Variants in EPB41L3 observed in about 807,000 individuals in gnomAD.
The protein encoded by EPB41L3 is band 4.1-like protein 3.
In EPB41L3, 57 loss-of-function variants were observed where a neutral mutation model predicts 127.1. The observed-to-expected ratio is 0.45, with a 90% CI of 0.36 to 0.56. The LOEUF (loss-of-function observed/expected upper bound fraction) is 0.56. EPB41L3 is among the 20% of genes least tolerant of loss of function. The pLI, the probability that EPB41L3 is intolerant of heterozygous loss-of-function variation, is 0.00. For synonymous variants in EPB41L3, 572 were observed against 549.5 expected, an observed-to-expected ratio of 1.04 and a Z score of -0.57; for missense variants, 1,273 against 1,372.2, an observed-to-expected ratio of 0.93 and a Z score of 1.14.
intron 1 of EPB41L3, among the ~76,000 whole-genome samples, chr18:5,520,957 A>C (rs989786934): frequency 6.6e-6 from 1 of 152,242 alleles, no homozygotes; most frequent in African/African-American, 2.4e-5. Flanking sequence ...AAACGCAGAA[A>C]GAGATGTGCT....
intron 3 of EPB41L3, among the ~76,000 whole-genome samples, chr18:5,452,449 C>A (rs2082410239): frequency 6.6e-6 from 1 of 151,392 alleles, no homozygotes; most frequent in South Asian, 2.1e-4. Flanking sequence ...CAGCTCACTG[C>A]AGCCTTGACC....
chr18:5,493,149 A>G (rs1203157764), intron 1 of EPB41L3, among the ~76,000 whole-genome samples: 1 of 151,792 alleles, frequency 6.6e-6, no homozygotes, highest in East Asian at 1.9e-4. Context: ...TAACTAAATG[A>G]CTGCTAAATT....
chr18:5,492,713 T>A (rs558407114), intron 1 of EPB41L3, among the ~76,000 whole-genome samples: 1 of 152,342 alleles, frequency 6.6e-6, no homozygotes, highest in East Asian at 1.9e-4. Flanking sequence ...CCTTTCCTTA[T>A]ACTAAATTTA....
rs544173579 is a variant in EPB41L3, at chr18:5,555,165, C to T, written c.-306+57175G>A. Among the ~76,000 whole-genome samples the T allele has an allele frequency of 3.9e-5, 6 of 152,342 alleles. No homozygotes were observed. The South Asian group carries it at 1.2e-3, about 32-fold the overall frequency. Reference sequence around the variant, plus strand: ...TCTTCAGTGATCCATAGTGCCCTTTCAAACATCGCCAGGTCATTCCTTCAT... The same window carrying T: ...TCTTCAGTGATCCATAGTGCCCTTTTAAACATCGCCAGGTCATTCCTTCAT... On this transcript the variant is annotated intron_variant, in intron 3 of 21. Coordinates refer to the EPB41L3 transcript ENST00000545076.
In EPB41L3 at chr18:5,408,566, C is replaced by T. The variant is rs183491313; in HGVS notation, c.2122-830G>A. On this transcript the variant is annotated intron_variant, in intron 14 of 22. Transcript: ENST00000341928. ...CTGGGATTACAGGAGTGAGCCACCA[C>T]GCCCAGCCAATTTTCTTGAATGTAT... Among the ~76,000 whole-genome samples the T allele has an allele frequency of 7.3e-3, 1,108 of 151,950 alleles. 17 individuals carry two copies. The highest frequency in any genetic ancestry group is 0.024 in the African/African-American group (1,006 of 41,436).
chr18:5,394,830 A>G (rs763816285), intron 21 of EPB41L3, 37 bp from the exon 22 acceptor site: 2 of 1,596,488 alleles, frequency 1.3e-6, no homozygotes, highest in African/African-American at 2.7e-5. Flanking sequence ...AGAAACAAAA[A>G]GGAGGTGGAA....
At chr18:5,419,943 T>A in intron 11 of EPB41L3, 66 bp from the exon 12 acceptor site, 1 of 1,612,452 alleles carries the variant, frequency 6.2e-7, no homozygotes, top group Non-Finnish European at 8.5e-7. Context: ...TAAAAGCAAA[T>A]ACAATTAAAG....
At chr18:5,469,646 C>T (rs2085723728) in intron 3 of EPB41L3, among the ~76,000 whole-genome samples, 1 of 152,188 alleles carries the variant, frequency 6.6e-6, no homozygotes, top group Admixed American at 6.5e-5. Flanking sequence ...GCATAGGCGC[C>T]ACCCGCCCTA....
intron 3 of EPB41L3, among the ~76,000 whole-genome samples, chr18:5,450,389 G>C: frequency 6.6e-6 from 1 of 151,546 alleles, no homozygotes; most frequent in Non-Finnish European, 1.5e-5. Flanking sequence ...TGTAACAAAT[G>C]TGCCACACTA....
At chr18:5,471,478 G>A (rs1341610878) in intron 3 of EPB41L3, among the ~76,000 whole-genome samples, 5 of 152,178 alleles carry the variant, frequency 3.3e-5, no homozygotes, top group Non-Finnish European at 7.3e-5. Context: ...GAAGTATCAC[G>A]TGAAATCTTA....
At chr18:5,585,930 T>C (rs549933253) in intron 3 of EPB41L3, among the ~76,000 whole-genome samples, 3 of 152,324 alleles carry the variant, frequency 2.0e-5, no homozygotes, top group South Asian at 4.1e-4. Flanking sequence ...GCAGCTCTTG[T>C]TAAATGACCT....
intron 16 of EPB41L3, 81 bp downstream of exon 16, chr18:5,406,696 T>C: frequency 1.6e-6 from 2 of 1,277,122 alleles, no homozygotes; most frequent in Non-Finnish European, 2.2e-6. Context: ...CCCAGAAGAC[T>C]GTCAAATGCA....
intron 2 of EPB41L3, among the ~76,000 whole-genome samples, chr18:5,482,223 T>G (rs1215531079): frequency 6.6e-6 from 1 of 152,112 alleles, no homozygotes; most frequent in Non-Finnish European, 1.5e-5. Flanking sequence ...TTTGATAAAC[T>G]GAAGAACTCA....
At chr18:5,551,805 C>T (rs1719963) in intron 3 of EPB41L3, among the ~76,000 whole-genome samples, 35,221 of 151,968 alleles carry the variant, frequency 0.23, 5,543 homozygotes, top group African/African-American at 0.45. Context: ...CTCTCTGTTT[C>T]GTGTACATTT....
rs1007349134 is a variant in EPB41L3, at chr18:5,474,307, G to C, written c.381+3934C>G. Among the ~76,000 whole-genome samples the C allele has an allele frequency of 5.3e-5, 8 of 152,266 alleles. 1 individual carries two copies. Among genetic ancestry groups the C allele is most frequent in the Admixed American group, 4.6e-4 (7 of 15,302 alleles). ...TAAGCCAACTGCTAGAAGGAAGTTA[G>C]AGAAAGCACGATCTGAAAAGGCTAG... On this transcript the variant is annotated intron_variant, in intron 3 of 22. Transcript: ENST00000341928.
At chr18:5,449,659 G>T (rs1315683606) in intron 3 of EPB41L3, among the ~76,000 whole-genome samples, 1 of 152,138 alleles carries the variant, frequency 6.6e-6, no homozygotes, top group African/African-American at 2.4e-5. Flanking sequence ...AAGAAAAAAT[G>T]AGCTATCAAG....
At chr18:5,433,861 C>T (rs1290189987) in intron 7 of EPB41L3, 42 bp downstream of exon 7, 2 of 1,600,034 alleles carry the variant, frequency 1.2e-6, no homozygotes, top group Non-Finnish European at 1.7e-6. Context: ...GGACACTCTC[C>T]CATCAAGGCA....
intron 3 of EPB41L3, among the ~76,000 whole-genome samples, chr18:5,446,380 C>T (rs552830927): frequency 3.3e-5 from 5 of 152,094 alleles, no homozygotes; most frequent in South Asian, 2.1e-4. Flanking sequence ...TTTATTGTGA[C>T]GTATCATTTT....
In EPB41L3 at chr18:5,419,707, A is replaced by G; in HGVS notation, c.1506+4T>C. Reference sequence around the variant, plus strand: ...AGCTCTTGCAGGCAGTCTGGGAGCTATACCTTTCCCTCGTGCCGGATGGCC... The same window carrying G: ...AGCTCTTGCAGGCAGTCTGGGAGCTGTACCTTTCCCTCGTGCCGGATGGCC... On this transcript the variant is annotated splice_donor_region_variant and intron_variant, in intron 12 of 22. Coordinates refer to ENST00000341928, the MANE Select transcript of EPB41L3 (RefSeq NM_012307.5). 6.2e-7 allele frequency: 1 copy of G among 1,613,828 alleles called. No homozygotes were observed. The highest frequency in any genetic ancestry group is 8.5e-7 in the Non-Finnish European group (1 of 1,179,962).
Sources: allele counts gnomAD v4.1 joint callset (sites outside exome capture counted in the v4.1 genomes callset), GRCh38; gene constraint gnomAD v4.1.1; transcripts MANE v1.5; gene names NCBI Gene and HGNC (gene_info 2026-07-23, HGNC 2026-07-21).